The following ZNF521 variants were observed in gnomAD, a reference collection of about 807,000 sequenced individuals.
ZNF521 encodes the protein zinc finger protein 521, also known as LYST-interacting protein 3.
A neutral mutation model predicts 105.5 loss-of-function variants in ZNF521; 14 were observed. The ratio of observed to expected loss-of-function variants is 0.13; its 90% CI spans 0.09 to 0.21. The LOEUF is 0.21. Among genes scored for constraint, ZNF521 ranks in the 10% least tolerant of loss-of-function variants. The pLI is 1.00. For missense variants in ZNF521, 1,233 were observed against 1,629.7 expected (o/e 0.76, Z 4.19); for synonymous variants, 635 against 606.0 (o/e 1.05, Z -0.70).
rs538116744 is a variant in ZNF521 at position 25,218,588 on chromosome 18, G to A, written c.3573+5757C>T. On this transcript the variant is annotated intron_variant, in intron 4 of 7. Coordinates refer to ENST00000361524, the MANE Select transcript of ZNF521 (RefSeq NM_015461.3). ...CAGGAGGATTGCTCAGGAGGTTGAG[G>A]CTGCAGTGACCCATGATCCCACCAC... is the stretch of plus-strand genomic sequence containing the variant. Among the ~76,000 whole-genome samples the A allele has an allele frequency of 2.0e-5, 3 of 151,284 alleles. No individual in the cohort carries two copies. The East Asian group carries it at 5.8e-4, about 29-fold the overall frequency.
chr18:25,250,062 G>A (rs1034836205), intron 3 of ZNF521, among the ~76,000 whole-genome samples: 5 of 151,938 alleles, frequency 3.3e-5, no homozygotes, highest in Admixed American at 1.3e-4. Context: ...CCTCAGCATC[G>A]GGAGTAGCTG....
intron 4 of ZNF521, among the ~76,000 whole-genome samples, chr18:25,200,517 T>A (rs147124671): frequency 4.3e-4 from 66 of 152,268 alleles, no homozygotes; most frequent in African/African-American, 1.5e-3. Context: ...AAATTTTCAG[T>A]GATTAAAATC....
At chr18:25,190,271 A>T (rs1375104403) in intron 5 of ZNF521, among the ~76,000 whole-genome samples, 1 of 152,162 alleles carries the variant, frequency 6.6e-6, no homozygotes, top group Admixed American at 6.6e-5. Context: ...AAAAGGGTTC[A>T]GTCATCTTCT....
rs1353167287 is a variant in ZNF521 at position 25,212,528 on chromosome 18, AAAAAAAAAAAATATATATAT to A, written c.3573+11797_3573+11816del. Among the ~76,000 whole-genome samples, 11 of 111,140 alleles carry A rather than the reference AAAAAAAAAAAATATATATAT, an allele frequency of 9.9e-5. No individual in the cohort carries two copies. The South Asian group carries it at 1.2e-3, about 12-fold the overall frequency. 72.9% of individuals were successfully genotyped at this position (111,140 alleles called of 152,430 possible). On this transcript the variant is annotated intron_variant, in intron 4 of 7. Coordinates refer to ENST00000361524, the MANE Select transcript of ZNF521 (RefSeq NM_015461.3). The stretch of plus-strand genomic sequence containing the variant: ...TAGTCTCAAAAAAAAAAAAAAAAAA[AAAAAAAAAAAATATATATAT>A]ATATATATATATATATATGTATAGA...
intron 4 of ZNF521, among the ~76,000 whole-genome samples, chr18:25,213,147 C>A (rs9962346): frequency 0.49 from 72,236 of 148,496 alleles, 18,317 homozygotes; most frequent in African/African-American, 0.65. Flanking sequence ...ATTACATTGT[C>A]AGTATAATAA....
At chr18:25,249,782 T>C (rs1489591492) in intron 3 of ZNF521, among the ~76,000 whole-genome samples, 1 of 152,158 alleles carries the variant, frequency 6.6e-6, no homozygotes, top group Non-Finnish European at 1.5e-5. Flanking sequence ...TCTATCTCTG[T>C]TGTCTTTGCT....
intron 3 of ZNF521, among the ~76,000 whole-genome samples, chr18:25,284,910 GCACACACACA>G (rs45525437): frequency 6.7e-6 from 1 of 148,602 alleles, no homozygotes; most frequent in Admixed American, 6.7e-5. Flanking sequence ...GTGCGCGCGC[GCACACACACA>G]CACACACACA....
rs78275001 is a variant in ZNF521 at position 25,241,097 on chromosome 18, T to C, written c.221-13400A>G. ...TCCCTTTAAAAATTCCCATTCCTCT[T>C]CTCCTTCATACCCCAGCACCCCATG... On this transcript the variant is annotated intron_variant, in intron 3 of 7. Coordinates refer to ENST00000361524, the MANE Select transcript of ZNF521 (RefSeq NM_015461.3). Among the ~76,000 whole-genome samples the C allele has an allele frequency of 8.1e-3, 1,240 of 152,200 alleles. 22 individuals carry two copies. The highest frequency in any genetic ancestry group is 0.029 in the African/African-American group (1,186 of 41,522).
chr18:25,118,634 G>T (rs4800208), intron 5 of ZNF521, among the ~76,000 whole-genome samples: 1 of 151,574 alleles, frequency 6.6e-6, no homozygotes, highest in Non-Finnish European at 1.5e-5. Context: ...AAATAATAAG[G>T]CAAAGGGATA....
chr18:25,321,032 A>G (rs1912908693), intron 3 of ZNF521, among the ~76,000 whole-genome samples: 1 of 152,222 alleles, frequency 6.6e-6, no homozygotes, highest in Non-Finnish European at 1.5e-5. Flanking sequence ...AAAATCTTAT[A>G]AAAATATGAA....
At chr18:25,289,580 A>T (rs1054757381) in intron 3 of ZNF521, among the ~76,000 whole-genome samples, 1 of 152,214 alleles carries the variant, frequency 6.6e-6, no homozygotes, top group Non-Finnish European at 1.5e-5. Flanking sequence ...TTTTCTACAA[A>T]ATGAAAATGT....
At chr18:25,216,695 A>G (rs183596862) in intron 4 of ZNF521, among the ~76,000 whole-genome samples, 51 of 152,230 alleles carry the variant, frequency 3.4e-4, no homozygotes, top group Middle Eastern at 3.4e-3. Flanking sequence ...AGTAGCTAGA[A>G]CTACAGGTGT....
At chr18:25,170,058 C>T (rs564738862) in intron 5 of ZNF521, among the ~76,000 whole-genome samples, 60 of 151,666 alleles carry the variant, frequency 4.0e-4, no homozygotes, top group Non-Finnish European at 7.5e-4. Context: ...AGTTTACAGT[C>T]AATAAGACTA....
chr18:25,223,814 C>A (rs1905900024), intron 4 of ZNF521, among the ~76,000 whole-genome samples: 2 of 151,982 alleles, frequency 1.3e-5, no homozygotes, highest in South Asian at 2.1e-4. Flanking sequence ...TTTTAAAAAT[C>A]CTGTTGTGAG....
At chr18:25,224,083 G>A (rs771223150) in intron 4 of ZNF521, 5 of 424,498 alleles carry the variant, frequency 1.2e-5, no homozygotes, top group Non-Finnish European at 2.1e-5. Flanking sequence ...TGGCATGAGC[G>A]CTGGTCTCTT....
chr18:25,147,265 G>A (rs2034962484), intron 5 of ZNF521, among the ~76,000 whole-genome samples: 3 of 151,996 alleles, frequency 2.0e-5, no homozygotes, highest in African/African-American at 4.8e-5. Flanking sequence ...CTTTAATACT[G>A]AAGTGTAATA....
At chr18:25,242,787 T>C (rs1410177996) in intron 3 of ZNF521, among the ~76,000 whole-genome samples, 1 of 152,124 alleles carries the variant, frequency 6.6e-6, no homozygotes, top group Non-Finnish European at 1.5e-5. Context: ...GAGGACAAAC[T>C]GAAAAATTGG....
intron 6 of ZNF521, 119 bp downstream of exon 6, chr18:25,091,831 C>T (rs1488042157): frequency 2.4e-6 from 3 of 1,262,972 alleles, no homozygotes; most frequent in East Asian, 5.0e-5. Context: ...CATCTTCCCC[C>T]CAAATTGAAC....
intron 5 of ZNF521, among the ~76,000 whole-genome samples, chr18:25,176,862 T>TGCACGCACACACTCATAAGC: frequency 6.6e-6 from 1 of 152,220 alleles, no homozygotes; most frequent in Non-Finnish European, 1.5e-5. Flanking sequence ...CACGTGCGCG[T>TGCACGCACACACTCATAAGC]GCACGCACAC....
Sources: gnomAD v4.1 joint callset for allele counts (sites outside exome capture counted in the v4.1 genomes callset) on GRCh38, gnomAD v4.1.1 for gene constraint, MANE v1.5 for transcripts, NCBI Gene and HGNC (gene_info 2026-07-23, HGNC 2026-07-21) for gene names.